Variants in ADGRE5 observed in about 807,000 individuals in gnomAD.
The protein encoded by ADGRE5 is CD97 molecule.
In ADGRE5, 72 loss-of-function variants were observed where a neutral mutation model predicts 100.3. That is an observed-to-expected ratio of 0.72 (90% CI 0.59 to 0.87). The LOEUF (loss-of-function observed/expected upper bound fraction) is 0.87, where lower values mean the gene tolerates loss of function less well. ADGRE5 is among the 40% of genes least tolerant of loss of function. The pLI is 0.00. For missense variants in ADGRE5, 959 were observed against 1,094.7 expected (o/e 0.88, Z 1.75); for synonymous variants, 439 against 447.8 (o/e 0.98, Z 0.25).
At chr19:14,398,319 C>T in intron 9 of ADGRE5, 180 bp downstream of exon 9, 1 of 613,154 alleles carries the variant, frequency 1.6e-6, no homozygotes, top group Admixed American at 2.7e-5. Context: ...CACGTGAAGA[C>T]ACACGCATGC....
At position 14,406,337 on chromosome 19, in the gene ADGRE5, C is replaced by T; in HGVS notation, c.1828C>T (p.Leu610=). 6.4e-7 allele frequency: 1 copy of T among 1,564,146 alleles called. No homozygotes were observed. Among genetic ancestry groups the T allele is most frequent in the Non-Finnish European group, 8.6e-7 (1 of 1,157,586 alleles). The change falls in exon 15 of 20, where the codon CTG becomes TTG. Residue 610 remains leucine (L), a synonymous_variant. Transcript: ENST00000242786. This position sits in a 1 kb window ranked among gnomAD's most constrained non-coding sequence, Gnocchi z 6.0. ...GIENEGGQVG[L]RCRLVAGLLH... is the part of the protein sequence containing the mutation. ...CTCCGTCCCCGCCCCGCAGGTGGGG[C>T]TGCGCTGCCGCCTGGTGGCCGGGCT...
intron 9 of ADGRE5, among the ~76,000 whole-genome samples, chr19:14,398,872 G>A (rs1387181720): frequency 6.7e-6 from 1 of 150,222 alleles, no homozygotes; most frequent in Non-Finnish European, 1.5e-5. Flanking sequence ...AACAAGGTCT[G>A]GCTCTGTTGC....
chr19:14,406,801 C>T lies in ADGRE5; in HGVS notation c.2115+35C>T, dbSNP rs142124620. 282 of 1,611,760 alleles carry T rather than the reference C, an allele frequency of 1.7e-4. No homozygotes were observed. Among genetic ancestry groups the T allele is most frequent in the Middle Eastern group, 1.6e-3 (10 of 6,062 alleles). On this transcript the variant is annotated intron_variant, in intron 16 of 19. Coordinates refer to ENST00000242786, the MANE Select transcript of ADGRE5 (RefSeq NM_078481.4). The surrounding 1 kb of genome is among the most constrained non-coding windows in gnomAD (Gnocchi z 6.0). ...CACTCTCCCTCCACCGAAGCCCGAG[C>T]GCCACAGGCCCAGGCCCGGCTGGAC...
In ADGRE5 at chr19:14,397,100, C is replaced by T. The variant is rs1456469618; in HGVS notation, c.502C>T (p.Gln168Ter). 3 of 1,613,964 alleles carry T rather than the reference C, an allele frequency of 1.9e-6. No individual in the cohort carries two copies. The South Asian group carries it at 3.3e-5, about 18-fold the overall frequency. ...CTDVNECTSG[Q>*]NPCHSSTHCL... ...AGATGTGAATGAATGCACCTCCGGACAAAACCCGTGCCACAGCTCCACCCA... is the reference window on the plus strand; with the variant it reads ...AGATGTGAATGAATGCACCTCCGGATAAAACCCGTGCCACAGCTCCACCCA... Residue 168 changes from glutamine (Q) to a stop codon, truncating the protein, a stop_gained, in exon 6 of 20, where the codon CAA becomes TAA. Transcript: ENST00000242786. LOFTEE classifies it high-confidence loss of function.
In ADGRE5 at chr19:14,408,130, G is replaced by T; in HGVS notation, c.*9G>T. 2 of 1,612,542 alleles carry T rather than the reference G, an allele frequency of 1.2e-6. No homozygotes were observed. Among genetic ancestry groups the T allele is most frequent in the Middle Eastern group, 2.1e-4 (1 of 4,842 alleles). On this transcript the variant is annotated 3_prime_UTR_variant, in exon 20 of 20. Transcript: ENST00000242786. ...CAGAGTCCGGCATATGAAGGCGCAT[G>T]GTTCTGGACGGCCCAGCAGCTCCTG... is the stretch of plus-strand genomic sequence containing the variant.
intron 1 of ADGRE5, among the ~76,000 whole-genome samples, chr19:14,383,364 GT>G (rs1975227911): frequency 6.6e-6 from 1 of 152,004 alleles, no homozygotes; most frequent in Non-Finnish European, 1.5e-5. Context: ...AATTACCTGG[GT>G]GTGGTGGCGG....
chr19:14,398,441 G>A, intron 9 of ADGRE5: 1 of 345,280 alleles, frequency 2.9e-6, no homozygotes, highest in Non-Finnish European at 5.5e-6. Context: ...AGGCCGAGGT[G>A]GGCAGATCAC....
At chr19:14,393,767 A>C (rs1002331749) in intron 4 of ADGRE5, among the ~76,000 whole-genome samples, 1 of 152,182 alleles carries the variant, frequency 6.6e-6, no homozygotes, top group Non-Finnish European at 1.5e-5. Flanking sequence ...TGGAGCCCAG[A>C]AGGAGGCTTC....
Position 14,408,620 on chromosome 19 carries a change from A to C in ADGRE5, c.*499A>C. The C allele has an allele frequency of 2.3e-6, 1 of 443,612 alleles. No homozygotes were observed. Among genetic ancestry groups the C allele is most frequent in the Non-Finnish European group, 4.0e-6 (1 of 251,328 alleles). 27.5% of individuals were successfully genotyped at this position (443,612 alleles called of 1,614,324 possible). On this transcript the variant is annotated 3_prime_UTR_variant, in exon 20 of 20. Transcript: ENST00000242786. ...AGAGGCCTGCCCTGCCTGGCCGGGC[A>C]GGAGGTTCTCACTGTTGTGAAGGTT... is the stretch of plus-strand genomic sequence containing the variant.
chr19:14,407,251 C>T (rs375991646), intron 18 of ADGRE5, 22 bp downstream of exon 18: 9 of 1,612,836 alleles, frequency 5.6e-6, no homozygotes, highest in East Asian at 4.5e-5. Flanking sequence ...GGCACAGTGG[C>T]GCACGCCTGT....
At chr19:14,397,004 A>G (rs2085923306) in intron 5 of ADGRE5, 73 bp from the exon 6 acceptor site, 6 of 1,445,424 alleles carry the variant, frequency 4.2e-6, no homozygotes, top group Non-Finnish European at 5.6e-6. Flanking sequence ...AAGATAGGGG[A>G]GTGGGTGCAG....
intron 1 of ADGRE5, among the ~76,000 whole-genome samples, chr19:14,385,620 G>A (rs956718841): frequency 2.0e-5 from 3 of 151,376 alleles, no homozygotes; most frequent in East Asian, 2.0e-4. Flanking sequence ...TCCTGTGGGA[G>A]GGGGGCCCGG....
Position 14,390,125 on chromosome 19 carries a change from A to G in ADGRE5, c.191-799A>G, listed in dbSNP as rs574370880. ...AAGAGAGAGAGGGAGGGAGGGAGGG[A>G]AAGAAGAGGGAGGGAGGGAAGGAGG... On this transcript the variant is annotated intron_variant, in intron 3 of 19. Coordinates refer to ENST00000242786, the MANE Select transcript of ADGRE5 (RefSeq NM_078481.4). Among the ~76,000 whole-genome samples, 928 of 140,326 alleles carry G rather than the reference A, an allele frequency of 6.6e-3. 14 individuals carry two copies. The highest frequency in any genetic ancestry group is 0.024 in the African/African-American group (888 of 37,090). 92.1% of individuals were successfully genotyped at this position (140,326 alleles called of 152,430 possible).
At chr19:14,404,819 A>G (rs889768825) in intron 13 of ADGRE5, 2 of 460,304 alleles carry the variant, frequency 4.3e-6, no homozygotes, top group African/African-American at 2.1e-5. Context: ...TGAGATGTCA[A>G]CTAAAAGCTC....
Position 14,401,175 on chromosome 19 carries a change from C to T in ADGRE5, c.898-211C>T, listed in dbSNP as rs1975993454. On this transcript the variant is annotated intron_variant, in intron 9 of 19. Coordinates refer to ENST00000242786, the MANE Select transcript of ADGRE5 (RefSeq NM_078481.4). The surrounding 1 kb of genome is among the most constrained non-coding windows in gnomAD (Gnocchi z 4.1). ...TCAAAACAGAGCCTGGCAGGCAGCC[C>T]GTGCCCAACCAGTGTTAAGCGCTGT... Among the ~76,000 whole-genome samples the T allele has an allele frequency of 6.8e-6, 1 of 147,500 alleles. No homozygotes were observed. The highest frequency in any genetic ancestry group is 2.7e-5 in the African/African-American group (1 of 37,188).
intron 4 of ADGRE5, chr19:14,391,432 AG>A (rs1413267183): frequency 3.6e-6 from 1 of 279,052 alleles, no homozygotes; most frequent in African/African-American, 2.2e-5. Context: ...TGAGGCCAGG[AG>A]TTCAAGACCA....
chr19:14,394,529 G>A lies in ADGRE5; in HGVS notation c.347-1813G>A, dbSNP rs3786658. ...CCACAGGAGGCCACTTTGGAAGCTCGGAACATCCCCCTGCCCATCTGGCAT... is the reference window on the plus strand; with the variant it reads ...CCACAGGAGGCCACTTTGGAAGCTCAGAACATCCCCCTGCCCATCTGGCAT... On this transcript the variant is annotated intron_variant, in intron 4 of 19. Coordinates refer to ENST00000242786, the MANE Select transcript of ADGRE5 (RefSeq NM_078481.4). Among the ~76,000 whole-genome samples, 15 of 152,234 alleles carry A rather than the reference G, an allele frequency of 9.9e-5. No individual in the cohort carries two copies. The East Asian group carries it at 2.9e-3, about 29-fold the overall frequency.
In ADGRE5 at chr19:14,388,446, G is replaced by T; in HGVS notation, c.23-4G>T. 1 of 1,593,442 alleles carries T rather than the reference G, an allele frequency of 6.3e-7. No individual in the cohort carries two copies. The stretch of plus-strand genomic sequence containing the variant: ...TCTGACCCCCTTTCCTTTCTCTGTT[G>T]CAGCATTCTGTGTCTGGCTGACTCT... On this transcript the variant is annotated splice_region_variant and splice_polypyrimidine_tract_variant and intron_variant, in intron 1 of 19. Transcript: ENST00000242786.
Position 14,406,800 on chromosome 19 carries a change from G to A in ADGRE5, c.2115+34G>A. On this transcript the variant is annotated intron_variant, in intron 16 of 19. Coordinates refer to ENST00000242786, the MANE Select transcript of ADGRE5 (RefSeq NM_078481.4). The surrounding 1 kb of genome is among the most constrained non-coding windows in gnomAD (Gnocchi z 6.0). The stretch of plus-strand genomic sequence containing the variant: ...CCACTCTCCCTCCACCGAAGCCCGA[G>A]CGCCACAGGCCCAGGCCCGGCTGGA... The A allele has an allele frequency of 6.2e-7, 1 of 1,612,994 alleles. No individual in the cohort carries two copies. The highest frequency in any genetic ancestry group is 1.1e-5 in the South Asian group (1 of 91,068).
Sources: allele counts gnomAD v4.1 joint callset (sites outside exome capture counted in the v4.1 genomes callset), GRCh38; gene constraint gnomAD v4.1.1; non-coding constraint Gnocchi (gnomAD v3.1); transcripts MANE v1.5; gene names NCBI Gene and HGNC (gene_info 2026-07-23, HGNC 2026-07-21).